The following TMED3 variants were observed in gnomAD, a reference collection of about 807,000 sequenced individuals.
TMED3 encodes transmembrane emp24 domain-containing protein 3.
Under a neutral mutation model 15.0 loss-of-function variants are expected in TMED3, and 9 were observed. That is an observed-to-expected ratio of 0.60 (90% CI 0.36 to 1.04). The LOEUF is 1.04. TMED3 is among the 50% of genes least tolerant of loss of function. The pLI, the probability that TMED3 is intolerant of heterozygous loss-of-function variation, is 0.01. For synonymous variants in TMED3, 117 were observed against 121.4 expected (o/e 0.96, Z 0.24); for missense variants, 267 against 278.9 (o/e 0.96, Z 0.30).
At chr15:79,314,253 A>G (rs1396366790) in intron 2 of TMED3, among the ~76,000 whole-genome samples, 3 of 152,028 alleles carry the variant, frequency 2.0e-5, no homozygotes, top group Admixed American at 6.6e-5. Flanking sequence ...CTACTCTTTC[A>G]TTCCCACTCA....
chr15:79,328,295 T>C (rs1196336695), intron 2 of TMED3, among the ~76,000 whole-genome samples: 3 of 152,186 alleles, frequency 2.0e-5, no homozygotes, highest in Non-Finnish European at 4.4e-5. Flanking sequence ...TCGTATCACT[T>C]GCCTTCGAAA....
In TMED3 at chr15:79,360,128, G is replaced by C. The variant is rs1228330526; in HGVS notation, c.417+46123G>C. Among the ~76,000 whole-genome samples, 6 of 152,308 alleles carry C rather than the reference G, an allele frequency of 3.9e-5. No individual in the cohort carries two copies. In the East Asian group the frequency reaches 1.2e-3, roughly 29 times the overall value. ...GACAGGCACAGCGGGTCAGTGAGAG[G>C]GCAGGTAGCCATGGGATCCGAGAAC... On this transcript the variant is annotated intron_variant, in intron 2 of 2. Transcript: ENST00000424155.
chr15:79,401,233 T>C (rs1044669076), intron 2 of TMED3, among the ~76,000 whole-genome samples: 1 of 152,184 alleles, frequency 6.6e-6, no homozygotes, highest in Non-Finnish European at 1.5e-5. Context: ...ATCAAAGACT[T>C]AAGTGCTAGT....
chr15:79,335,494 A>G (rs2058824086), intron 2 of TMED3, among the ~76,000 whole-genome samples: 1 of 152,230 alleles, frequency 6.6e-6, no homozygotes, highest in Non-Finnish European at 1.5e-5. Flanking sequence ...CTAATTTGTC[A>G]TTCAGTTACA....
chr15:79,367,180 C>T (rs1426973791), intron 2 of TMED3, among the ~76,000 whole-genome samples: 9 of 152,100 alleles, frequency 5.9e-5, no homozygotes, highest in Non-Finnish European at 1.0e-4. Context: ...TCATATGGTG[C>T]CTAACAAAGT....
intron 2 of TMED3, among the ~76,000 whole-genome samples, chr15:79,400,416 G>A (rs1893818368): frequency 6.6e-6 from 1 of 152,308 alleles, no homozygotes; most frequent in Non-Finnish European, 1.5e-5. Context: ...CATAGAGGCA[G>A]GGATATCAGC....
At chr15:79,384,274 A>G (rs1893590527) in intron 2 of TMED3, 1 of 152,270 alleles carries the variant, frequency 6.6e-6, no homozygotes, top group Non-Finnish European at 1.5e-5. Context: ...AGAAATAAAT[A>G]GTAGTGTGGG....
chr15:79,382,732 C>T (rs10163150), intron 2 of TMED3, among the ~76,000 whole-genome samples: 5,067 of 152,270 alleles, frequency 0.033, 272 homozygotes, highest in African/African-American at 0.11. Context: ...TGAACTTCTA[C>T]CAGTATGGCT....
chr15:79,371,388 C>T (rs1394386965), intron 2 of TMED3, among the ~76,000 whole-genome samples: 1 of 152,028 alleles, frequency 6.6e-6, no homozygotes, highest in Admixed American at 6.6e-5. Flanking sequence ...GCTTCCTGGG[C>T]CCCAGTGTCA....
chr15:79,321,574 G>GCCCA (rs2058766954), intron 2 of TMED3, among the ~76,000 whole-genome samples: 1 of 152,200 alleles, frequency 6.6e-6, no homozygotes, highest in South Asian at 2.1e-4. Context: ...TTTATTAGTT[G>GCCCA]TATGACTTTG....
intron 2 of TMED3, among the ~76,000 whole-genome samples, chr15:79,360,809 C>A (rs1367272972): frequency 6.6e-6 from 1 of 152,170 alleles, no homozygotes; most frequent in Non-Finnish European, 1.5e-5. Context: ...GCTACAGAAT[C>A]ACTTAAAACG....
chr15:79,403,635 C>T (rs1037292162), intron 2 of TMED3, among the ~76,000 whole-genome samples: 2 of 152,148 alleles, frequency 1.3e-5, no homozygotes, highest in Non-Finnish European at 2.9e-5. Flanking sequence ...TTACATTTTT[C>T]CTTGCCTACT....
intron 2 of TMED3, among the ~76,000 whole-genome samples, chr15:79,402,289 A>G (rs955748141): frequency 6.6e-6 from 1 of 152,164 alleles, no homozygotes. Context: ...CAGTTATCTT[A>G]TGGTCATTAA....
chr15:79,343,738 G>A (rs2141230059), intron 2 of TMED3, among the ~76,000 whole-genome samples: 1 of 152,220 alleles, frequency 6.6e-6, no homozygotes, highest in Non-Finnish European at 1.5e-5. Flanking sequence ...CAGGCTCTTG[G>A]GTTGAATATG....
Position 79,316,985 on chromosome 15 carries a change from G to C in TMED3, c.417+2980G>C, listed in dbSNP as rs75969277. Among the ~76,000 whole-genome samples the C allele has an allele frequency of 7.9e-3, 1,203 of 152,186 alleles. 21 individuals are homozygous for C. The highest frequency in any genetic ancestry group is 0.028 in the African/African-American group (1,156 of 41,494). ...GAAGTAGCATGTTTTTGTGGTGAGG[G>C]TGAGCATCCAGGTAGCTGTGATTCT... On this transcript the variant is annotated intron_variant, in intron 2 of 2. Transcript: ENST00000299705.
chr15:79,342,964 G>A (rs547570416), intron 2 of TMED3, among the ~76,000 whole-genome samples: 2 of 152,250 alleles, frequency 1.3e-5, no homozygotes, highest in East Asian at 3.9e-4. Flanking sequence ...GTGAGAATAG[G>A]TATTACTGAG....
At chr15:79,380,666 T>C (rs1390104211) in intron 2 of TMED3, among the ~76,000 whole-genome samples, 1 of 147,914 alleles carries the variant, frequency 6.8e-6, no homozygotes. Context: ...CCCTCAAGAG[T>C]GCTGCTCTAC....
rs138672493 is a variant in TMED3 at position 79,313,625 on chromosome 15, G to A, written c.169-132G>A. 730 of 1,239,140 alleles carry A rather than the reference G, an allele frequency of 5.9e-4. 3 individuals are homozygous for A. In the African/African-American group the frequency reaches 1.0e-2, roughly 17 times the overall value. 76.8% of individuals were successfully genotyped at this position (1,239,140 alleles called of 1,614,324 possible). On this transcript the variant is annotated intron_variant, in intron 1 of 2. Coordinates refer to ENST00000299705, the MANE Select transcript of TMED3 (RefSeq NM_007364.4). ...CAGCCTTAGTAAAATGAGAAGTGGC[G>A]TAGCACCTGCCTTAGAAAGTTTTGA...
chr15:79,354,909 A>T (rs2058912649), intron 2 of TMED3, among the ~76,000 whole-genome samples: 1 of 152,076 alleles, frequency 6.6e-6, no homozygotes, highest in Non-Finnish European at 1.5e-5. Flanking sequence ...GAGAAGCATC[A>T]TCAGGCATGA....
Sources: allele counts gnomAD v4.1 joint callset (sites outside exome capture counted in the v4.1 genomes callset), GRCh38; gene constraint gnomAD v4.1.1; transcripts MANE v1.5; gene names NCBI Gene and HGNC (gene_info 2026-07-23, HGNC 2026-07-21).